The following SULF1 variants were observed in gnomAD, a reference collection of about 807,000 sequenced individuals.
SULF1 encodes the protein sulfatase 1.
Under a neutral mutation model 110.5 loss-of-function variants are expected in SULF1, and 46 were observed. The observed-to-expected ratio is 0.42, with a 90% confidence interval of 0.33 to 0.53. The LOEUF (loss-of-function observed/expected upper bound fraction) is 0.53. Ranked by LOEUF, SULF1 falls within the 20% of genes least tolerant of loss-of-function variation. The pLI is 0.12. For missense variants in SULF1, 941 were observed against 1,094.2 expected (o/e 0.86, Z 1.98); for synonymous variants, 371 against 387.1 (o/e 0.96, Z 0.49).
At chr8:69,635,471 AT>A in intron 19 of SULF1, among the ~76,000 whole-genome samples, 1 of 152,226 alleles carries the variant, frequency 6.6e-6, no homozygotes, top group Non-Finnish European at 1.5e-5. Context: ...TATTAAAATA[AT>A]TTTTTAAAAT....
chr8:69,590,438 T>C (rs1190176974), intron 8 of SULF1, among the ~76,000 whole-genome samples: 1 of 152,202 alleles, frequency 6.6e-6, no homozygotes, highest in African/African-American at 2.4e-5. Context: ...GTGCTGGGAT[T>C]ACAGGCATGA....
chr8:69,577,161 G>A (rs756866005), intron 6 of SULF1, among the ~76,000 whole-genome samples: 4 of 152,156 alleles, frequency 2.6e-5, no homozygotes, highest in South Asian at 4.1e-4. Context: ...AGCTCCTCCC[G>A]TGCATCTCAA....
chr8:69,653,616 C>G (rs1387444934), intron 22 of SULF1, among the ~76,000 whole-genome samples: 1 of 152,194 alleles, frequency 6.6e-6, no homozygotes, highest in Non-Finnish European at 1.5e-5. Context: ...GGTTCCATTA[C>G]ATAAGCATGA....
chr8:69,578,388 A>G (rs2150749016), intron 6 of SULF1, among the ~76,000 whole-genome samples: 1 of 152,190 alleles, frequency 6.6e-6, no homozygotes. Context: ...GTTTTAGGGT[A>G]CATGTGCACA....
At chr8:69,514,128 T>G (rs886504312) in intron 3 of SULF1, among the ~76,000 whole-genome samples, 4 of 152,194 alleles carry the variant, frequency 2.6e-5, no homozygotes, top group Non-Finnish European at 5.9e-5. Context: ...TACTGTATTC[T>G]ACCCCAGATT....
chr8:69,520,720 G>T (rs576352718), intron 3 of SULF1, among the ~76,000 whole-genome samples: 33 of 152,088 alleles, frequency 2.2e-4, no homozygotes, highest in Non-Finnish European at 4.1e-4. Flanking sequence ...AAAGCCTTAG[G>T]TTCCACCTGG....
intron 3 of SULF1, among the ~76,000 whole-genome samples, chr8:69,503,219 A>T (rs2150575463): frequency 6.6e-6 from 1 of 152,350 alleles, no homozygotes; most frequent in South Asian, 2.1e-4. Context: ...AATGGTTCAA[A>T]GTGTATAAGA....
chr8:69,539,182 C>A (rs951503319), intron 3 of SULF1, among the ~76,000 whole-genome samples: 8 of 152,108 alleles, frequency 5.3e-5, no homozygotes, highest in Non-Finnish European at 1.0e-4. Flanking sequence ...AGTGGAAATA[C>A]CTTAGCCATT....
chr8:69,478,544 C>G (rs181638401), intron 1 of SULF1, among the ~76,000 whole-genome samples: 18 of 152,276 alleles, frequency 1.2e-4, no homozygotes, highest in Admixed American at 7.8e-4. Context: ...TGGGCTAGGA[C>G]TGCCTCCCAT....
intron 13 of SULF1, among the ~76,000 whole-genome samples, chr8:69,617,964 C>T (rs1012143849): frequency 6.6e-6 from 1 of 152,180 alleles, no homozygotes; most frequent in Non-Finnish European, 1.5e-5. Flanking sequence ...ATCTGAGCTA[C>T]TTAGACTTAA....
rs746525698 is a variant in SULF1, at chr8:69,640,843, T to C, written c.2585+2T>C. On this transcript the variant is annotated splice_donor_variant, in intron 22 of 22. Coordinates refer to ENST00000402687, the MANE Select transcript of SULF1 (RefSeq NM_001128205.2). LOFTEE classifies it high-confidence loss of function. ...TGGAGGAAGCTATGACCTACACAGG[T>C]ATTCACACTTTTTTATTCTTCTCAA... 6.2e-7 allele frequency: 1 copy of C among 1,609,606 alleles called. No homozygotes were observed. Among genetic ancestry groups the C allele is most frequent in the South Asian group, 1.1e-5 (1 of 90,072 alleles).
chr8:69,621,371 TA>T, intron 14 of SULF1, 120 bp downstream of exon 14: 1 of 640,440 alleles, frequency 1.6e-6, no homozygotes, highest in South Asian at 2.7e-5. Flanking sequence ...ATTTTCAGGC[TA>T]AAAGCACATC....
At chr8:69,550,291 G>A (rs1262452732) in intron 3 of SULF1, among the ~76,000 whole-genome samples, 3 of 151,996 alleles carry the variant, frequency 2.0e-5, no homozygotes, top group Non-Finnish European at 2.9e-5. Context: ...AAAAAAAAAT[G>A]AGTGAAAATA....
Position 69,649,598 on chromosome 8 carries a change from A to G in SULF1, c.2585+8757A>G, listed in dbSNP as rs1586635567. ...ATTCTTTTATCTGGAACAGTTCCTC[A>G]ACTTCTCATTATCAGTCATGATATT... On this transcript the variant is annotated intron_variant, in intron 22 of 22. Transcript: ENST00000402687. Among the ~76,000 whole-genome samples the G allele has an allele frequency of 2.0e-5, 3 of 152,294 alleles. No homozygotes were observed. The East Asian group carries it at 5.8e-4, about 29-fold the overall frequency.
intron 21 of SULF1, among the ~76,000 whole-genome samples, chr8:69,639,135 T>A (rs76789120): frequency 4.6e-4 from 70 of 152,338 alleles, no homozygotes; most frequent in African/African-American, 1.7e-3. Context: ...TAGAAGCATC[T>A]GTTGGAAGAT....
At chr8:69,486,322 TAAAA>T (rs57385713) in intron 1 of SULF1, among the ~76,000 whole-genome samples, 101 of 150,244 alleles carry the variant, frequency 6.7e-4, no homozygotes, top group African/African-American at 2.2e-3. Context: ...AGGCTTTTTT[TAAAA>T]AAAAAAAATC....
At chr8:69,518,063 A>G (rs986078874) in intron 3 of SULF1, among the ~76,000 whole-genome samples, 1 of 152,210 alleles carries the variant, frequency 6.6e-6, no homozygotes, top group African/African-American at 2.4e-5. Context: ...ATTTTTTAAC[A>G]TATCTGCAAA....
At chr8:69,554,978 C>CAAAAAAAAAAAAAAAAA (rs141225696) in intron 3 of SULF1, among the ~76,000 whole-genome samples, 1 of 63,484 alleles carries the variant, frequency 1.6e-5, no homozygotes, top group African/African-American at 9.9e-5. Flanking sequence ...GATTCCATCT[C>CAAAAAAAAAAAAAAAAA]AAAAAAAAAA....
chr8:69,651,761 ATATTT>A (rs1812362024), intron 22 of SULF1, among the ~76,000 whole-genome samples: 1 of 152,108 alleles, frequency 6.6e-6, no homozygotes, highest in Non-Finnish European at 1.5e-5. Flanking sequence ...CTGTTCACTA[ATATTT>A]TATTTAAGAT....
Sources: allele counts gnomAD v4.1 joint callset (sites outside exome capture counted in the v4.1 genomes callset), GRCh38; gene constraint gnomAD v4.1.1; transcripts MANE v1.5; gene names NCBI Gene and HGNC (gene_info 2026-07-23, HGNC 2026-07-21).